Variants in SKI observed in about 807,000 individuals in gnomAD.
SKI encodes SKI proto-oncogene.
In SKI, 23 loss-of-function variants were observed where a neutral mutation model predicts 59.3. That is an observed-to-expected ratio of 0.39 (90% CI 0.28 to 0.55). SKI has a LOEUF of 0.55. Among genes scored for constraint, SKI ranks in the 20% least tolerant of loss-of-function variants. The pLI is 0.67. For missense variants in SKI, 1,017 were observed against 1,038.9 expected (o/e 0.98, Z 0.29); for synonymous variants, 673 against 488.6 (o/e 1.38, Z -4.98).
At position 2,240,416 on chromosome 1, in the gene SKI, C is replaced by T. The variant is rs1028289603; in HGVS notation, c.969+10681C>T. 5 of 910,712 alleles carry T rather than the reference C, an allele frequency of 5.5e-6. No homozygotes were observed. The African/African-American group carries it at 9.0e-5, about 16-fold the overall frequency. 56.4% of individuals were successfully genotyped at this position (910,712 alleles called of 1,614,324 possible). A position where few individuals can be genotyped will look rare whatever the true frequency, so the allele number is the denominator to read the frequency against. On this transcript the variant is annotated intron_variant, in intron 1 of 6. Transcript: ENST00000378536. Reference sequence around the variant, plus strand: ...GCTACGGGCAGGAGTGTGTCTGGGACTCTGAACTGCCAGAAGCACTTGGCG... The same window carrying T: ...GCTACGGGCAGGAGTGTGTCTGGGATTCTGAACTGCCAGAAGCACTTGGCG...
intron 1 of SKI, among the ~76,000 whole-genome samples, chr1:2,259,183 A>G (rs1260822118): frequency 1.3e-5 from 2 of 152,114 alleles, no homozygotes; most frequent in Non-Finnish European, 2.9e-5. Context: ...GTGCATGGCC[A>G]CGCCCCACCG....
At chr1:2,248,528 T>G (rs1639047463) in intron 1 of SKI, among the ~76,000 whole-genome samples, 2 of 152,166 alleles carry the variant, frequency 1.3e-5, no homozygotes, top group Admixed American at 6.5e-5. Context: ...ACGGTGCTGG[T>G]TGGATTCAAA....
At chr1:2,244,148 G>A (rs1411859109) in intron 1 of SKI, among the ~76,000 whole-genome samples, 2 of 151,998 alleles carry the variant, frequency 1.3e-5, no homozygotes, top group Non-Finnish European at 2.9e-5. Context: ...TGTATTTTTA[G>A]TAGAGATGGG....
chr1:2,250,920 G>A (rs1415852592), intron 1 of SKI, among the ~76,000 whole-genome samples: 1 of 152,252 alleles, frequency 6.6e-6, no homozygotes, highest in African/African-American at 2.4e-5. Flanking sequence ...GGCGTGGGAG[G>A]CATCAGGAGC....
intron 1 of SKI, among the ~76,000 whole-genome samples, chr1:2,294,382 C>A (rs892884325): frequency 6.6e-6 from 1 of 152,272 alleles, no homozygotes; most frequent in Non-Finnish European, 1.5e-5. Flanking sequence ...TGGCTGCTCT[C>A]CTCAACAAGC....
chr1:2,245,454 G>A (rs1416406684), intron 1 of SKI, among the ~76,000 whole-genome samples: 1 of 152,166 alleles, frequency 6.6e-6, no homozygotes, highest in African/African-American at 2.4e-5. Flanking sequence ...TGGGATTGCT[G>A]GATCATTGAT....
At chr1:2,263,272 C>G (rs1028580202) in intron 1 of SKI, among the ~76,000 whole-genome samples, 1 of 135,520 alleles carries the variant, frequency 7.4e-6, no homozygotes, top group Admixed American at 8.1e-5. Flanking sequence ...GAGTCTTGCT[C>G]TGTCGCCCAG....
intron 1 of SKI, among the ~76,000 whole-genome samples, chr1:2,235,907 CCTTTGA>C (rs1638740983): frequency 6.6e-6 from 1 of 152,178 alleles, no homozygotes; most frequent in African/African-American, 2.4e-5. Flanking sequence ...AGTGCTTATT[CCTTTGA>C]GTAATGCTCC....
At chr1:2,254,491 A>G (rs964682687) in intron 1 of SKI, among the ~76,000 whole-genome samples, 1 of 152,128 alleles carries the variant, frequency 6.6e-6, no homozygotes, top group Non-Finnish European at 1.5e-5. Flanking sequence ...TGTCTACTGG[A>G]CTGCTTTTTA....
Position 2,267,761 on chromosome 1 carries a change from C to T in SKI, c.970-35217C>T, listed in dbSNP as rs539686488. On this transcript the variant is annotated intron_variant, in intron 1 of 6. Transcript: ENST00000378536. This position sits in a 1 kb window ranked among gnomAD's most constrained non-coding sequence, Gnocchi z 4.1. ...AGGTGTGTGAGGCTGATGCATGGGC[C>T]TTTCTACTTCCAGACTGTCCCAGGA... Among the ~76,000 whole-genome samples, 7 of 152,320 alleles carry T rather than the reference C, an allele frequency of 4.6e-5. No homozygotes were observed. Among genetic ancestry groups the T allele is most frequent in the Admixed American group, 2.0e-4 (3 of 15,310 alleles).
intron 1 of SKI, among the ~76,000 whole-genome samples, chr1:2,248,800 A>G (rs1157326148): frequency 6.6e-6 from 1 of 152,212 alleles, no homozygotes; most frequent in Non-Finnish European, 1.5e-5. Context: ...GGAAGTTTCT[A>G]GGAGCGTAGA....
Position 2,289,654 on chromosome 1 carries a change from G to T in SKI, c.970-13324G>T, listed in dbSNP as rs1400157601. 2.7e-5 allele frequency among the ~76,000 whole-genome samples: 4 copies of T among 150,484 alleles called. No homozygotes were observed. In the East Asian group the frequency reaches 8.0e-4, roughly 30 times the overall value. ...GGGTGCAGCACAGGTCGTGCTCCCG[G>T]GGCTGGCTGTAGCGGCTCTCCCCTC... is the stretch of plus-strand genomic sequence containing the variant. On this transcript the variant is annotated intron_variant, in intron 1 of 6. Coordinates refer to ENST00000378536, the MANE Select transcript of SKI (RefSeq NM_003036.4).
Position 2,307,479 on chromosome 1 carries a change from G to A in SKI, c.*714G>A, listed in dbSNP as rs1010581191. ...CCCGGAGCTGAGGGGACGGTCTTCG[G>A]CTCCTCTGCACCCCGTGATTCTGCC... On this transcript the variant is annotated 3_prime_UTR_variant, in exon 7 of 7. Transcript: ENST00000378536. 6.6e-6 allele frequency: 1 copy of A among 152,486 alleles called. No individual in the cohort carries two copies. The highest frequency in any genetic ancestry group is 3.4e-3 in the Middle Eastern group (1 of 294). 9.4% of individuals were successfully genotyped at this position (152,486 alleles called of 1,614,324 possible).
rs28384811 is a variant in SKI, at chr1:2,228,951, C to G, written c.185C>G (p.Ala62Gly). 98,247 of 1,396,788 alleles carry G rather than the reference C, an allele frequency of 0.07. 3,804 individuals carry two copies. The highest frequency in any genetic ancestry group is 0.13 in the Middle Eastern group (520 of 4,152). The allele number at this position is 1,396,788 out of a possible 1,614,324, so 86.5% of individuals were successfully genotyped here. A position where few individuals can be genotyped will look rare whatever the true frequency, so the allele number is the denominator to read the frequency against. Residue 62 changes from alanine to glycine, a missense_variant, in exon 1 of 7, where the codon GCG (alanine) becomes GGG (glycine). Physicochemically the swap from Ala to Gly is moderately conservative, Grantham distance 60. Coordinates refer to ENST00000378536, the MANE Select transcript of SKI (RefSeq NM_003036.4). The part of the protein sequence containing the change: ...AKEAGAAAVP[A>G]PVPAATEPPP... ...GAGGCGGGCGCGGCCGCGGTGCCGG[C>G]GCCGGTGCCCGCAGCCACCGAGCCG...
intron 1 of SKI, among the ~76,000 whole-genome samples, chr1:2,287,281 G>C (rs1411276955): frequency 6.6e-6 from 1 of 152,098 alleles, no homozygotes; most frequent in African/African-American, 2.4e-5. Flanking sequence ...TTAAAGATGA[G>C]AGAGTGTTGG....
intron 1 of SKI, among the ~76,000 whole-genome samples, chr1:2,247,469 C>T (rs1639024651): frequency 1.3e-5 from 2 of 152,220 alleles, no homozygotes; most frequent in African/African-American, 4.8e-5. Flanking sequence ...AAAATGATGG[C>T]TTCGCTGAAG....
At position 2,306,765 on chromosome 1, in the gene SKI, G is replaced by A. The variant is rs1426959600; in HGVS notation, c.2187G>A (p.Ter729=). 1 of 1,511,262 alleles carries A rather than the reference G, an allele frequency of 6.6e-7. No individual in the cohort carries two copies. Among genetic ancestry groups the A allele is most frequent in the Non-Finnish European group, 8.8e-7 (1 of 1,133,754 alleles). 93.6% of individuals were successfully genotyped at this position (1,511,262 alleles called of 1,614,324 possible). A position where few individuals can be genotyped will look rare whatever the true frequency, so the allele number is the denominator to read the frequency against. ...GSEGAAELEP[*] is the part of the protein sequence containing the mutation. ...AGGGCGCTGCGGAGCTGGAGCCGTA[G>A]ATTCCGTGCCTGCCGCCGCAGCGCC... Residue 729 remains the stop codon, a stop_retained_variant, in exon 7 of 7, where the codon TAG becomes TAA. Transcript: ENST00000378536.
intron 1 of SKI, among the ~76,000 whole-genome samples, chr1:2,276,812 C>G (rs762011837): frequency 1.3e-5 from 2 of 152,176 alleles, no homozygotes; most frequent in Non-Finnish European, 2.9e-5. Flanking sequence ...CGATGAAGAG[C>G]CCGTGCTCAT....
At position 2,232,392 on chromosome 1, in the gene SKI, G is replaced by C. The variant is rs1193521973; in HGVS notation, c.969+2657G>C. 6 of 152,218 alleles carry C rather than the reference G, an allele frequency of 3.9e-5. No homozygotes were observed. The East Asian group carries it at 1.2e-3, about 29-fold the overall frequency. 9.4% of individuals were successfully genotyped at this position (152,218 alleles called of 1,614,324 possible). A position where few individuals can be genotyped will look rare whatever the true frequency, so the allele number is the denominator to read the frequency against. Reference sequence around the variant, plus strand: ...CAGCGCCACTCTCCTACCCATGGTGGGAGGTGGGAGAGGGCGGAGATGTTC... The same window carrying C: ...CAGCGCCACTCTCCTACCCATGGTGCGAGGTGGGAGAGGGCGGAGATGTTC... On this transcript the variant is annotated intron_variant, in intron 1 of 6. Coordinates refer to ENST00000378536, the MANE Select transcript of SKI (RefSeq NM_003036.4).
Sources: allele counts gnomAD v4.1 joint callset (sites outside exome capture counted in the v4.1 genomes callset), GRCh38; gene constraint gnomAD v4.1.1; non-coding constraint Gnocchi (gnomAD v3.1); transcripts MANE v1.5; gene names NCBI Gene and HGNC (gene_info 2026-07-23, HGNC 2026-07-21).